WDR49: variants seen among roughly 807,000 people sequenced by gnomAD.
The protein encoded by WDR49 is WD repeat domain 49.
In WDR49, 107 loss-of-function variants were observed where a neutral mutation model predicts 119.5. That is an observed-to-expected ratio of 0.90 (90% CI 0.77 to 1.05). The LOEUF (loss-of-function observed/expected upper bound fraction) is 1.05, where lower values mean the gene tolerates loss of function less well. Among genes scored for constraint, WDR49 ranks in the 50% least tolerant of loss-of-function variants. The pLI, the probability that WDR49 is intolerant of heterozygous loss-of-function variation, is 0.00. For synonymous variants in WDR49, 425 were observed against 418.8 expected (o/e 1.01, Z -0.18); for missense variants, 1,240 against 1,220.5 (o/e 1.02, Z -0.24).
chr3:167,592,706 T>A (rs1715204245), intron 7 of WDR49, among the ~76,000 whole-genome samples: 1 of 152,170 alleles, frequency 6.6e-6, no homozygotes, highest in Non-Finnish European at 1.5e-5. Flanking sequence ...GTGCTGGGAT[T>A]ACAGGCATGA....
At chr3:167,507,713 A>G (rs1284635314) in intron 16 of WDR49, among the ~76,000 whole-genome samples, 5 of 152,212 alleles carry the variant, frequency 3.3e-5, no homozygotes, top group Non-Finnish European at 7.3e-5. Context: ...TTTTATATAA[A>G]GCAAAACATT....
rs559409782 is a variant in WDR49 at position 167,649,996 on chromosome 3, C to T, written c.165+3265G>A. 2.6e-5 allele frequency among the ~76,000 whole-genome samples: 4 copies of T among 152,180 alleles called. No homozygotes were observed. The South Asian group carries it at 8.3e-4, about 32-fold the overall frequency. Reference sequence around the variant, plus strand: ...CACAGGGCAAACTATGGTCTCAGACCAAACGGGCAGCAATTAATCTAGGAT... The same window carrying T: ...CACAGGGCAAACTATGGTCTCAGACTAAACGGGCAGCAATTAATCTAGGAT... On this transcript the variant is annotated intron_variant, in intron 2 of 18. Coordinates refer to ENST00000682715, the MANE Select transcript of WDR49 (RefSeq NM_001366157.1).
intron 16 of WDR49, among the ~76,000 whole-genome samples, chr3:167,511,990 C>T (rs1173756350): frequency 3.3e-5 from 5 of 152,182 alleles, no homozygotes; most frequent in Admixed American, 2.6e-4. Flanking sequence ...GAAACAGTGG[C>T]CATGGTCTCT....
chr3:167,536,838 A>ACCAATGAT, intron 11 of WDR49, 32 bp downstream of exon 11: 1 of 1,449,578 alleles, frequency 6.9e-7, no homozygotes, highest in East Asian at 2.6e-5. Context: ...ATCAAACTTC[A>ACCAATGAT]CCAATGATTG....
intron 2 of WDR49, among the ~76,000 whole-genome samples, chr3:167,635,515 A>G (rs544865047): frequency 6.6e-6 from 1 of 151,864 alleles, no homozygotes; most frequent in South Asian, 2.1e-4. Context: ...CCCTCTTTCC[A>G]ATAGCATACT....
intron 18 of WDR49, among the ~76,000 whole-genome samples, chr3:167,491,207 C>G (rs943920901): frequency 2.6e-5 from 4 of 152,094 alleles, no homozygotes. Flanking sequence ...TTTGCCCCAC[C>G]CGGGAGCTTT....
chr3:167,515,631 T>C (rs1315707519), intron 16 of WDR49, among the ~76,000 whole-genome samples: 1 of 152,168 alleles, frequency 6.6e-6, no homozygotes, highest in African/African-American at 2.4e-5. Flanking sequence ...TTGGAAGTTC[T>C]GGCCAGGGCA....
intron 2 of WDR49, among the ~76,000 whole-genome samples, chr3:167,648,910 TAC>T (rs1000094262): frequency 6.6e-6 from 1 of 152,218 alleles, no homozygotes; most frequent in African/African-American, 2.4e-5. Context: ...TTATATATTT[TAC>T]ACAGTTTGCA....
At chr3:167,545,509 T>TTATATATA (rs141981277) in intron 10 of WDR49, among the ~76,000 whole-genome samples, 1 of 108,298 alleles carries the variant, frequency 9.2e-6, no homozygotes, top group East Asian at 2.3e-4. Flanking sequence ...ATATTATATA[T>TTATATATA]TATATATATA....
chr3:167,569,912 T>C (rs1324362202), intron 8 of WDR49, among the ~76,000 whole-genome samples: 1 of 152,178 alleles, frequency 6.6e-6, no homozygotes, highest in East Asian at 1.9e-4. Context: ...TGTTTTGAAT[T>C]TTTCAACATG....
chr3:167,521,878 C>T (rs1752450796), intron 16 of WDR49, among the ~76,000 whole-genome samples: 1 of 152,026 alleles, frequency 6.6e-6, no homozygotes, highest in Admixed American at 6.6e-5. Context: ...TGATGTCTAA[C>T]TTCAAAGTTA....
intron 18 of WDR49, among the ~76,000 whole-genome samples, chr3:167,482,538 G>T (rs1750756271): frequency 6.6e-6 from 1 of 151,722 alleles, no homozygotes; most frequent in African/African-American, 2.4e-5. Context: ...AATTAGTCGG[G>T]CCTGGTGGTG....
chr3:167,564,343 G>T (rs1713460805), intron 8 of WDR49, among the ~76,000 whole-genome samples: 1 of 152,152 alleles, frequency 6.6e-6, no homozygotes, highest in South Asian at 2.1e-4. Flanking sequence ...GACAATATTG[G>T]AATACAAGAA....
intron 10 of WDR49, among the ~76,000 whole-genome samples, chr3:167,541,394 C>T (rs1263498040): frequency 1.3e-5 from 2 of 152,160 alleles, no homozygotes; most frequent in African/African-American, 4.8e-5. Flanking sequence ...GGGGTCCTAT[C>T]TTTAGCCTCC....
intron 10 of WDR49, among the ~76,000 whole-genome samples, chr3:167,540,668 C>T (rs1711761594): frequency 2.6e-5 from 4 of 152,224 alleles, no homozygotes; most frequent in South Asian, 2.1e-4. Flanking sequence ...AAAGACCACA[C>T]TGGCTCCCCA....
intron 8 of WDR49, 115 bp from the exon 9 acceptor site, chr3:167,560,343 G>A: frequency 3.7e-6 from 4 of 1,087,530 alleles, no homozygotes; most frequent in Non-Finnish European, 5.1e-6. Flanking sequence ...CCAACAGTCA[G>A]AGACATTTTT....
At chr3:167,581,294 G>A (rs150056258) in intron 7 of WDR49, among the ~76,000 whole-genome samples, 1 of 151,938 alleles carries the variant, frequency 6.6e-6, no homozygotes, top group Non-Finnish European at 1.5e-5. Flanking sequence ...ATACACAATA[G>A]ACCTAGAAAT....
intron 8 of WDR49, among the ~76,000 whole-genome samples, chr3:167,572,221 C>A (rs999113947): frequency 6.6e-6 from 1 of 152,170 alleles, no homozygotes; most frequent in African/African-American, 2.4e-5. Context: ...GCTGTGAGGG[C>A]AAACTTTGCC....
At chr3:167,530,531 T>A (rs975787635) in intron 13 of WDR49, among the ~76,000 whole-genome samples, 5 of 151,772 alleles carry the variant, frequency 3.3e-5, no homozygotes, top group African/African-American at 7.3e-5. Flanking sequence ...ATAGCATCAA[T>A]GTTAGTATAC....
Sources: allele counts gnomAD v4.1 joint callset (sites outside exome capture counted in the v4.1 genomes callset), GRCh38; gene constraint gnomAD v4.1.1; transcripts MANE v1.5; gene names NCBI Gene and HGNC (gene_info 2026-07-23, HGNC 2026-07-21).